Variants in NLRC5 observed in about 807,000 individuals in gnomAD.
NLRC5 encodes protein NLRC5.
NLRC5 carries 114 observed loss-of-function variants against 206.9 expected under a neutral mutation model. The observed-to-expected ratio is 0.55, with a 90% CI of 0.47 to 0.64. The LOEUF (loss-of-function observed/expected upper bound fraction) is 0.64. Ranked by LOEUF, NLRC5 falls within the 30% of genes least tolerant of loss-of-function variation. The pLI, the probability that NLRC5 is intolerant of heterozygous loss-of-function variation, is 0.00. For missense variants in NLRC5, 2,008 were observed against 2,305.5 expected (o/e 0.87, Z 2.64); for synonymous variants, 952 against 962.8 (o/e 0.99, Z 0.21).
Position 57,067,720 on chromosome 16 carries a change from C to T in NLRC5, c.4407-16C>T, listed in dbSNP as rs185495889. On this transcript the variant is annotated splice_polypyrimidine_tract_variant and intron_variant, in intron 35 of 48. Transcript: ENST00000688547. Reference sequence around the variant, plus strand: ...TCCAGCCTGAAATCCTCTAGAATATCCTTGGACCTTTTCAGCTTGTCTCAG... The same window carrying T: ...TCCAGCCTGAAATCCTCTAGAATATTCTTGGACCTTTTCAGCTTGTCTCAG... 1.7e-5 allele frequency: 27 copies of T among 1,611,290 alleles called. No homozygotes were observed. In the East Asian group the frequency reaches 5.6e-4, roughly 33 times the overall value.
At chr16:57,074,566 A>C in intron 38 of NLRC5, 34 bp from the exon 39 acceptor site, 1 of 1,602,468 alleles carries the variant, frequency 6.2e-7, no homozygotes, top group South Asian at 1.1e-5. Context: ...CCCCACCCCC[A>C]GATGTCAAGT....
chr16:57,047,295 C>A (rs1170971165), intron 22 of NLRC5, among the ~76,000 whole-genome samples: 1 of 151,752 alleles, frequency 6.6e-6, no homozygotes, highest in Non-Finnish European at 1.5e-5. Context: ...CTGGAGGGGG[C>A]GGTGGGGAGG....
In NLRC5 at chr16:57,051,582, T is replaced by C; in HGVS notation, c.3467T>C (p.Leu1156Pro). ...FLSDQSLETL[L>P]DCLPQLPQLS... ...AGTGACCAGAGCCTGGAGACTCTAC[T>C]GGACTGCTTACCTCAACTCCCTCAG... The change falls in exon 24 of 49, where the codon CTG becomes CCG. Residue 1156 changes from leucine to proline, a missense_variant. Coordinates refer to ENST00000688547, the MANE Select transcript of NLRC5 (RefSeq NM_001384950.1). 1.2e-6 allele frequency: 2 copies of C among 1,614,158 alleles called. No homozygotes were observed. Among genetic ancestry groups the C allele is most frequent in the East Asian group, 2.2e-5 (1 of 44,882 alleles).
chr16:57,000,358 G>A (rs1404841859), intron 1 of NLRC5, among the ~76,000 whole-genome samples: 4 of 152,192 alleles, frequency 2.6e-5, no homozygotes, highest in Non-Finnish European at 5.9e-5. Flanking sequence ...GGTGGCTGGG[G>A]TGAAGGAGGC....
At position 57,077,774 on chromosome 16, in the gene NLRC5, G is replaced by A. The variant is rs150604259; in HGVS notation, c.4975G>A (p.Val1659Ile). 3.9e-5 allele frequency: 62 copies of A among 1,605,254 alleles called. No homozygotes were observed. Among genetic ancestry groups the A allele is most frequent in the South Asian group, 2.4e-4 (22 of 89,990 alleles). ...GGGAGTGCAGTTGGCAGAGTCTCTC[G>A]TTCTTTGCAGGCGCCTGGAGGAGTT... Reference protein sequence around the residue: ...AGGVQLAESLVLCRRLEELML... With the variant: ...AGGVQLAESLILCRRLEELML... Residue 1659 changes from valine to isoleucine, a missense_variant, in exon 42 of 49, where the codon GTT becomes ATT. Coordinates refer to ENST00000688547, the MANE Select transcript of NLRC5 (RefSeq NM_001384950.1).
intron 32 of NLRC5, among the ~76,000 whole-genome samples, chr16:57,062,983 A>G (rs1363541686): frequency 2.6e-5 from 4 of 151,512 alleles, no homozygotes; most frequent in African/African-American, 9.7e-5. Flanking sequence ...TAAATAGTTT[A>G]TATGAGTGGA....
chr16:57,025,245 C>T, intron 5 of NLRC5, 123 bp from the exon 6 acceptor site: 1 of 1,452,336 alleles, frequency 6.9e-7, no homozygotes, highest in South Asian at 1.5e-5. Flanking sequence ...ACACCCCCAC[C>T]CTCACCCCAT....
chr16:57,083,202 C>CCTCAATCCT lies in NLRC5; in HGVS notation c.*675_*676insTCAATCCTC, dbSNP rs1313508619. On this transcript the variant is annotated 3_prime_UTR_variant, in exon 49 of 49. Transcript: ENST00000688547. ...CCTCCTGCCTCAATCCTCAGCCTAC[C>CCTCAATCCT]CATCTATAAACTTGATGACTCCTCC... The CCTCAATCCT allele has an allele frequency of 3.9e-5, 6 of 152,316 alleles. No individual in the cohort carries two copies. The highest frequency in any genetic ancestry group is 8.8e-5 in the Non-Finnish European group (6 of 68,148). The allele number at this position is 152,316 out of a possible 1,614,324, so 9.4% of individuals were successfully genotyped here.
rs1336916302 is a variant in NLRC5, at chr16:57,078,052, C to G, written c.5081+32C>G. 5 of 1,526,252 alleles carry G rather than the reference C, an allele frequency of 3.3e-6. No homozygotes were observed. In the African/African-American group the frequency reaches 5.6e-5, roughly 17 times the overall value. The allele number at this position is 1,526,252 out of a possible 1,614,324, so 94.5% of individuals were successfully genotyped here. On this transcript the variant is annotated intron_variant, in intron 43 of 48. Coordinates refer to ENST00000688547, the MANE Select transcript of NLRC5 (RefSeq NM_001384950.1). The stretch of plus-strand genomic sequence containing the variant: ...GGCCCCCTGCCCATACCATGCAGGG[C>G]TGGTGGGGAGGAGGGTCCTCGGGAG...
At position 57,076,203 on chromosome 16, in the gene NLRC5, C is replaced by T. The variant is rs561338741; in HGVS notation, c.4752-616C>T. The stretch of plus-strand genomic sequence containing the variant: ...GTGCTGGGAATACAGGTGTGAACCA[C>T]TGCTCCCAGCCCCATTAAAATTTAA... On this transcript the variant is annotated intron_variant, in intron 39 of 48. Coordinates refer to ENST00000688547, the MANE Select transcript of NLRC5 (RefSeq NM_001384950.1). 229 of 156,698 alleles carry T rather than the reference C, an allele frequency of 1.5e-3. 3 individuals carry two copies. In the South Asian group the frequency reaches 0.04, roughly 27 times the overall value. 9.7% of individuals were successfully genotyped at this position (156,698 alleles called of 1,614,324 possible).
At chr16:57,066,205 G>A (rs1446251843) in intron 33 of NLRC5, among the ~76,000 whole-genome samples, 3 of 152,134 alleles carry the variant, frequency 2.0e-5, no homozygotes, top group Non-Finnish European at 4.4e-5. Flanking sequence ...GGGAGGCCGA[G>A]GCAGGAGGAT....
At chr16:57,036,433 A>G (rs1171056119) in intron 14 of NLRC5, among the ~76,000 whole-genome samples, 2 of 151,636 alleles carry the variant, frequency 1.3e-5, no homozygotes, top group Non-Finnish European at 2.9e-5. Flanking sequence ...TTGCATTCCA[A>G]TTCATCTTTG....
At chr16:57,033,926 C>T (rs747677291) in intron 12 of NLRC5, among the ~76,000 whole-genome samples, 1 of 152,216 alleles carries the variant, frequency 6.6e-6, no homozygotes, top group Non-Finnish European at 1.5e-5. Flanking sequence ...ACATCCATTA[C>T]CTCACTGTAA....
rs751802265 is a variant in NLRC5, at chr16:57,051,517, T to A, written c.3423-21T>A. On this transcript the variant is annotated intron_variant, in intron 23 of 48. Coordinates refer to ENST00000688547, the MANE Select transcript of NLRC5 (RefSeq NM_001384950.1). The stretch of plus-strand genomic sequence containing the variant: ...TTCCTGGAAGGTTTCCCCCACCTCA[T>A]CCACCTGCTTTGTTTCACAGATTGT... 8.8e-6 allele frequency: 14 copies of A among 1,598,762 alleles called. No homozygotes were observed. The South Asian group carries it at 1.5e-4, about 18-fold the overall frequency.
At chr16:57,039,165 C>T (rs2062976175) in intron 15 of NLRC5, among the ~76,000 whole-genome samples, 1 of 152,204 alleles carries the variant, frequency 6.6e-6, no homozygotes, top group Admixed American at 6.5e-5. Context: ...GTAATCCACA[C>T]ATACTTTGAG....
Position 57,082,920 on chromosome 16 carries a change from A to C in NLRC5, c.*392A>C. 5.5e-6 allele frequency: 1 copy of C among 180,192 alleles called. No homozygotes were observed. The highest frequency in any genetic ancestry group is 1.4e-4 in the South Asian group (1 of 7,218). 11.2% of individuals were successfully genotyped at this position (180,192 alleles called of 1,614,324 possible). A position where few individuals can be genotyped will look rare whatever the true frequency, so the allele number is the denominator to read the frequency against. On this transcript the variant is annotated 3_prime_UTR_variant, in exon 49 of 49. Transcript: ENST00000688547. ...GGCATCCCAAGTAGCAGGATACATG[A>C]TTGTTGGTCTATATATGACACATGA...
intron 24 of NLRC5, among the ~76,000 whole-genome samples, chr16:57,054,072 C>T (rs1167203438): frequency 2.0e-5 from 3 of 152,074 alleles, no homozygotes; most frequent in Non-Finnish European, 4.4e-5. Flanking sequence ...CCTCTGAGGG[C>T]AGAGTGGACC....
chr16:57,056,397 C>G (rs1449706714), intron 27 of NLRC5, among the ~76,000 whole-genome samples: 1 of 151,392 alleles, frequency 6.6e-6, no homozygotes, highest in Non-Finnish European at 1.5e-5. Flanking sequence ...CTCAAGCGAT[C>G]CTCCCACCTC....
intron 1 of NLRC5, chr16:57,013,622 G>T: frequency 2.9e-6 from 3 of 1,045,720 alleles, no homozygotes; most frequent in Non-Finnish European, 4.5e-6. Context: ...CATTAACTGG[G>T]CCATTGTTTT....
Sources: allele counts gnomAD v4.1 joint callset (sites outside exome capture counted in the v4.1 genomes callset), GRCh38; gene constraint gnomAD v4.1.1; transcripts MANE v1.5; gene names NCBI Gene and HGNC (gene_info 2026-07-23, HGNC 2026-07-21).